The following MGAT4C variants were observed in gnomAD, a reference collection of about 807,000 sequenced individuals.
The protein encoded by MGAT4C is MGAT4 family member C, also known as alpha-1,3-mannosyl-glycoprotein 4-beta-N-acetylglucosaminyltransferase C.
In MGAT4C, 19 loss-of-function variants were observed where a neutral mutation model predicts 40.1. That is an observed-to-expected ratio of 0.47 (90% CI 0.33 to 0.70). The LOEUF (loss-of-function observed/expected upper bound fraction) is 0.70. Ranked by LOEUF, MGAT4C falls within the 30% of genes least tolerant of loss-of-function variation. The pLI is 0.02. For synonymous variants in MGAT4C, 181 were observed against 187.1 expected (o/e 0.97, Z 0.27); for missense variants, 491 against 563.2 (o/e 0.87, Z 1.30).
intron 2 of MGAT4C, among the ~76,000 whole-genome samples, chr12:86,448,555 G>C (rs1957375487): frequency 6.6e-6 from 1 of 152,126 alleles, no homozygotes; most frequent in South Asian, 2.1e-4. Flanking sequence ...AAAGCTATGA[G>C]AGCAGGAACT....
rs11103865 is a variant in MGAT4C, at chr12:86,142,318, C to T, written c.-56-92595G>A. On this transcript the variant is annotated intron_variant, in intron 1 of 4. Coordinates refer to ENST00000611864, the MANE Select transcript of MGAT4C (RefSeq NM_001351288.2). ...ATGTGCAGGTTAAAGATGGAGCTTC[C>T]TGCCTAGGTTCTCAGCTGTCAATTC... Among the ~76,000 whole-genome samples, 310 of 152,220 alleles carry T rather than the reference C, an allele frequency of 2.0e-3. 2 individuals carry two copies. The highest frequency in any genetic ancestry group is 7.2e-3 in the African/African-American group (298 of 41,550).
At chr12:86,740,658 A>T (rs1455048215) in intron 1 of MGAT4C, among the ~76,000 whole-genome samples, 1 of 151,238 alleles carries the variant, frequency 6.6e-6, no homozygotes, top group Admixed American at 6.6e-5. Flanking sequence ...GGTTTCTCAG[A>T]ATTCACAGGA....
intron 1 of MGAT4C, among the ~76,000 whole-genome samples, chr12:86,813,490 C>T (rs1328220879): frequency 7.0e-6 from 1 of 143,322 alleles, no homozygotes; most frequent in Non-Finnish European, 1.5e-5. Flanking sequence ...GCTTTTCAAA[C>T]ACATTTTTTT....
At chr12:86,228,909 T>C (rs1190673889) in intron 1 of MGAT4C, among the ~76,000 whole-genome samples, 1 of 151,886 alleles carries the variant, frequency 6.6e-6, no homozygotes, top group Non-Finnish European at 1.5e-5. Flanking sequence ...CTGGTAAATG[T>C]TATCTGGGAT....
At chr12:85,992,916 G>C (rs1023022516) in intron 2 of MGAT4C, among the ~76,000 whole-genome samples, 5 of 152,192 alleles carry the variant, frequency 3.3e-5, no homozygotes, top group African/African-American at 1.2e-4. Context: ...CAGGGAAATA[G>C]GGAAGCAAAC....
chr12:86,065,779 G>A (rs1005243498), intron 1 of MGAT4C, among the ~76,000 whole-genome samples: 1 of 152,130 alleles, frequency 6.6e-6, no homozygotes, highest in Non-Finnish European at 1.5e-5. Flanking sequence ...GCCTCTGTTT[G>A]CAGATGACAT....
chr12:86,595,581 T>G (rs1188820711), intron 2 of MGAT4C, among the ~76,000 whole-genome samples: 3 of 151,784 alleles, frequency 2.0e-5, no homozygotes, highest in Non-Finnish European at 2.9e-5. Context: ...AAAGTATATA[T>G]CATCATTCTT....
chr12:86,783,457 T>TTTTTTTTTTTTTTTTTTTTTTGAGA (rs1951878341), intron 1 of MGAT4C, among the ~76,000 whole-genome samples: 14 of 151,790 alleles, frequency 9.2e-5, no homozygotes, highest in South Asian at 2.1e-4. Flanking sequence ...GAGCTTCTTA[T>TTTTTTTTTTTTTTTTTTTTTTGAGA]CCATCTTCCC....
chr12:86,420,287 T>G (rs1304611066), intron 3 of MGAT4C, among the ~76,000 whole-genome samples: 1 of 151,630 alleles, frequency 6.6e-6, no homozygotes, highest in East Asian at 1.9e-4. Context: ...GAGGCGGGAG[T>G]GGGAGGATCA....
intron 2 of MGAT4C, among the ~76,000 whole-genome samples, chr12:86,605,536 ATAAC>A (rs1235880901): frequency 6.6e-6 from 1 of 152,154 alleles, no homozygotes; most frequent in African/African-American, 2.4e-5. Context: ...GTCCATTTCC[ATAAC>A]TAACTCTCGA....
intron 3 of MGAT4C, among the ~76,000 whole-genome samples, chr12:86,401,823 A>T (rs946132377): frequency 1.3e-5 from 2 of 152,156 alleles, no homozygotes; most frequent in African/African-American, 4.8e-5. Flanking sequence ...TTATTTAAGT[A>T]CATGAAACAT....
At chr12:86,339,961 C>T (rs1304279827) in intron 3 of MGAT4C, among the ~76,000 whole-genome samples, 2 of 152,138 alleles carry the variant, frequency 1.3e-5, no homozygotes, top group Non-Finnish European at 2.9e-5. Flanking sequence ...GGGGACAAAG[C>T]CTTTATCTAG....
intron 2 of MGAT4C, among the ~76,000 whole-genome samples, chr12:86,640,882 G>C (rs1444491300): frequency 4.0e-5 from 6 of 151,872 alleles, no homozygotes; most frequent in Admixed American, 6.6e-5. Context: ...TTCAGAAGCA[G>C]GTTGTTCAGT....
At chr12:86,227,996 A>C (rs925347560) in intron 1 of MGAT4C, among the ~76,000 whole-genome samples, 13 of 151,942 alleles carry the variant, frequency 8.6e-5, no homozygotes, top group South Asian at 6.2e-4. Flanking sequence ...GTATAATAGC[A>C]TATTGTTTCA....
At chr12:86,754,312 A>G (rs1229289873) in intron 1 of MGAT4C, among the ~76,000 whole-genome samples, 3 of 152,086 alleles carry the variant, frequency 2.0e-5, no homozygotes. Flanking sequence ...AACAGCAGCT[A>G]AGTGGTTGCT....
chr12:86,022,421 C>T (rs1369579943), intron 2 of MGAT4C: 1 of 152,184 alleles, frequency 6.6e-6, no homozygotes, highest in East Asian at 1.9e-4. Flanking sequence ...ATTTAAAGTC[C>T]ATGTTCTGTC....
At chr12:86,170,945 T>C (rs556797311) in intron 1 of MGAT4C, among the ~76,000 whole-genome samples, 2 of 152,258 alleles carry the variant, frequency 1.3e-5, no homozygotes, top group African/African-American at 4.8e-5. Flanking sequence ...ATAATGGTTA[T>C]ATATTTTAAT....
At chr12:86,015,146 A>G (rs1888950421) in intron 2 of MGAT4C, among the ~76,000 whole-genome samples, 1 of 151,664 alleles carries the variant, frequency 6.6e-6, no homozygotes, top group Admixed American at 6.6e-5. Context: ...TCTGAGGTGA[A>G]ATAAACAAAG....
chr12:86,125,861 A>C (rs1880152171), intron 1 of MGAT4C, among the ~76,000 whole-genome samples: 1 of 152,100 alleles, frequency 6.6e-6, no homozygotes, highest in Non-Finnish European at 1.5e-5. Flanking sequence ...ATAAACTAAA[A>C]AAGACATTTT....
Sources: gnomAD v4.1 joint callset for allele counts (sites outside exome capture counted in the v4.1 genomes callset) on GRCh38, gnomAD v4.1.1 for gene constraint, MANE v1.5 for transcripts, NCBI Gene and HGNC (gene_info 2026-07-23, HGNC 2026-07-21) for gene names.